FLT1: variants seen among roughly 807,000 people sequenced by gnomAD.
FLT1 encodes the protein vascular endothelial growth factor receptor 1.
A neutral mutation model predicts 156.3 loss-of-function variants in FLT1; 49 were observed. The ratio of observed to expected loss-of-function variants is 0.31; its 90% CI spans 0.25 to 0.40. The LOEUF (loss-of-function observed/expected upper bound fraction) is 0.40, where lower values mean the gene tolerates loss of function less well. Ranked by LOEUF, FLT1 falls within the 10% of genes least tolerant of loss-of-function variation. The pLI is 1.00. For missense variants in FLT1, 1,322 were observed against 1,637.2 expected (o/e 0.81, Z 3.32); for synonymous variants, 594 against 583.8 (o/e 1.02, Z -0.25).
chr13:28,392,444 A>C (rs972979951), intron 12 of FLT1, among the ~76,000 whole-genome samples: 5 of 152,226 alleles, frequency 3.3e-5, no homozygotes, highest in African/African-American at 1.2e-4. Flanking sequence ...ATAGTAGAGC[A>C]GAGGTATTGT....
Position 28,300,811 on chromosome 13 carries a change from T to A in FLT1, c.*2356A>T, listed in dbSNP as rs2093822. The A allele has an allele frequency of 4.3e-6, 1 of 233,340 alleles. No homozygotes were observed. 14.5% of individuals were successfully genotyped at this position (233,340 alleles called of 1,614,324 possible). ...AAAGGAAGTGCTCGTTCTTTGTTAG[T>A]GCCAACCATTTTTGTCATAAATGGC... On this transcript the variant is annotated 3_prime_UTR_variant, in exon 30 of 30. Coordinates refer to ENST00000282397, the MANE Select transcript of FLT1 (RefSeq NM_002019.4).
At chr13:28,379,761 C>A (rs1055064384) in intron 14 of FLT1, among the ~76,000 whole-genome samples, 16 of 152,316 alleles carry the variant, frequency 1.1e-4, no homozygotes, top group African/African-American at 3.4e-4. Flanking sequence ...CAAGAATTTA[C>A]TACTCAGCTT....
intron 20 of FLT1, among the ~76,000 whole-genome samples, chr13:28,325,311 T>C (rs1301370327): frequency 2.0e-5 from 3 of 152,180 alleles, no homozygotes; most frequent in Admixed American, 2.0e-4. Flanking sequence ...GGCACCACTT[T>C]CCACTTTTTC....
chr13:28,339,073 A>G, intron 17 of FLT1, 95 bp downstream of exon 17: 5 of 1,166,356 alleles, frequency 4.3e-6, no homozygotes, highest in South Asian at 1.3e-5. Flanking sequence ...GTAGAATCCC[A>G]GGTCTAGTTT....
At chr13:28,474,193 T>C (rs961676069) in intron 1 of FLT1, among the ~76,000 whole-genome samples, 5 of 152,150 alleles carry the variant, frequency 3.3e-5, no homozygotes, top group African/African-American at 1.2e-4. Flanking sequence ...TGGTGGCTTA[T>C]GCCTGTAATC....
chr13:28,462,459 A>T (rs1419434560), intron 3 of FLT1, among the ~76,000 whole-genome samples: 2 of 152,124 alleles, frequency 1.3e-5, no homozygotes, highest in African/African-American at 4.8e-5. Context: ...ATTGTACTCT[A>T]TTGTAATTAG....
At chr13:28,361,091 C>A (rs1873097125) in intron 14 of FLT1, among the ~76,000 whole-genome samples, 1 of 151,950 alleles carries the variant, frequency 6.6e-6, no homozygotes, top group African/African-American at 2.4e-5. Context: ...CCAGCCTATC[C>A]AATATGGTGA....
At chr13:28,387,703 C>CTT in intron 13 of FLT1, 1 of 913,608 alleles carries the variant, frequency 1.1e-6, no homozygotes, top group Non-Finnish European at 1.3e-6. Flanking sequence ...CTTTTTTCTC[C>CTT]TTTTTTTTTT....
At chr13:28,382,725 G>GTGAT (rs1027514546) in intron 14 of FLT1, among the ~76,000 whole-genome samples, 25 of 152,268 alleles carry the variant, frequency 1.6e-4, no homozygotes, top group African/African-American at 6.0e-4. Context: ...GCTCAGTCTG[G>GTGAT]TGATTGATTA....
At chr13:28,389,765 G>A in intron 13 of FLT1, 31 bp downstream of exon 13, 1 of 1,614,108 alleles carries the variant, frequency 6.2e-7, no homozygotes, top group Non-Finnish European at 8.5e-7. Flanking sequence ...GGAGATCCGA[G>A]AGAAAACAGC....
chr13:28,303,204 T>C lies in FLT1; in HGVS notation c.3980A>G (p.Tyr1327Cys), dbSNP rs1484421415. 1 of 1,612,894 alleles carries C rather than the reference T, an allele frequency of 6.2e-7. No individual in the cohort carries two copies. Among genetic ancestry groups the C allele is most frequent in the Admixed American group, 1.7e-5 (1 of 60,014 alleles). Residue 1327 changes from tyrosine to cysteine, a missense_variant, in exon 30 of 30, where the codon TAC becomes TGC. By Grantham distance (194) the Tyr-to-Cys change is radical. Coordinates refer to ENST00000282397, the MANE Select transcript of FLT1 (RefSeq NM_002019.4). ...GGTGGAGTACAGGACCACCGAGTTGTAGTCTGGGGGCGGGGAGCAGCACGC... is the reference window on the plus strand; with the variant it reads ...GGTGGAGTACAGGACCACCGAGTTGCAGTCTGGGGGCGGGGAGCAGCACGC... Reference protein sequence around the residue: ...KIACCSPPPDYNSVVLYSTPP... With the variant: ...KIACCSPPPDCNSVVLYSTPP...
intron 14 of FLT1, among the ~76,000 whole-genome samples, chr13:28,361,904 G>T (rs1873125951): frequency 6.6e-6 from 1 of 152,196 alleles, no homozygotes; most frequent in Non-Finnish European, 1.5e-5. Flanking sequence ...GAATCACAAA[G>T]ATTTTTGAGC....
intron 1 of FLT1, among the ~76,000 whole-genome samples, chr13:28,490,160 A>G (rs1881390195): frequency 1.3e-5 from 2 of 152,162 alleles, no homozygotes; most frequent in South Asian, 4.1e-4. Context: ...CGGTTTTCTC[A>G]TCTCTGGCAT....
intron 1 of FLT1, among the ~76,000 whole-genome samples, chr13:28,491,493 T>A (rs1881467494): frequency 6.6e-6 from 1 of 152,170 alleles, no homozygotes; most frequent in South Asian, 2.1e-4. Flanking sequence ...TACATTCTGC[T>A]AGTGAAAAAA....
At chr13:28,480,383 T>C (rs751754056) in intron 1 of FLT1, among the ~76,000 whole-genome samples, 1 of 152,236 alleles carries the variant, frequency 6.6e-6, no homozygotes, top group African/African-American at 2.4e-5. Flanking sequence ...TAAATAAGTA[T>C]ATATAGATAT....
chr13:28,434,079 T>C lies in FLT1; in HGVS notation c.655A>G (p.Asn219Asp). The C allele has an allele frequency of 1.9e-6, 3 of 1,614,212 alleles. No individual in the cohort carries two copies. The South Asian group carries it at 3.3e-5, about 18-fold the overall frequency. ...TTACTTTGTCGATGTGTGAGATAGT[T>C]TGTCTTATACAAATGCCCATTGACT... ...ATVNGHLYKT[N>D]YLTHRQTNTI... is the part of the protein sequence containing the mutation. Residue 219 changes from asparagine to aspartate, a missense_variant, in exon 5 of 30, where the codon AAC (asparagine) becomes GAC (aspartate). By Grantham distance (23) the Asn-to-Asp change is conservative (BLOSUM62 1). This residue lies in a region of FLT1 where 991 missense variants were observed against 1,254.8 expected (regional missense o/e 0.79). Coordinates refer to ENST00000282397, the MANE Select transcript of FLT1 (RefSeq NM_002019.4).
chr13:28,397,377 C>T (rs1045707045), intron 11 of FLT1, among the ~76,000 whole-genome samples: 8 of 152,122 alleles, frequency 5.3e-5, no homozygotes, highest in African/African-American at 1.9e-4. Context: ...ACTGCACGTC[C>T]TACCCTATGA....
chr13:28,483,384 A>T (rs1353613324), intron 1 of FLT1, among the ~76,000 whole-genome samples: 1 of 152,210 alleles, frequency 6.6e-6, no homozygotes, highest in East Asian at 1.9e-4. Context: ...TTTTACATAC[A>T]TAGACACCAT....
intron 3 of FLT1, among the ~76,000 whole-genome samples, chr13:28,456,693 G>A (rs1305951367): frequency 6.6e-6 from 1 of 152,066 alleles, no homozygotes; most frequent in East Asian, 1.9e-4. Context: ...CTACTTGGGA[G>A]GCTGAGGCAG....
Sources: gnomAD v4.1 joint callset for allele counts (sites outside exome capture counted in the v4.1 genomes callset) on GRCh38, gnomAD v4.1.1 for gene constraint, gnomAD v4.1.1 regional missense constraint, MANE v1.5 for transcripts, NCBI Gene and HGNC (gene_info 2026-07-23, HGNC 2026-07-21) for gene names.